The following PTPRT variants were observed in gnomAD, a reference collection of about 807,000 sequenced individuals.
PTPRT encodes the protein receptor-type tyrosine-protein phosphatase T.
In PTPRT, 56 loss-of-function variants were observed where a neutral mutation model predicts 176.8. The ratio of observed to expected loss-of-function variants is 0.32; its 90% CI spans 0.26 to 0.40. The LOEUF (loss-of-function observed/expected upper bound fraction) is 0.40, where lower values mean the gene tolerates loss of function less well. Ranked by LOEUF, PTPRT falls within the 10% of genes least tolerant of loss-of-function variation. The pLI is 1.00. For synonymous variants in PTPRT, 783 were observed against 739.0 expected, an observed-to-expected ratio of 1.06 and a Z score of -0.96; for missense variants, 1,540 against 1,908.2, an observed-to-expected ratio of 0.81 and a Z score of 3.60.
chr20:42,909,679 C>A (rs2079520824), intron 1 of PTPRT, among the ~76,000 whole-genome samples: 1 of 152,156 alleles, frequency 6.6e-6, no homozygotes, highest in African/African-American at 2.4e-5. Flanking sequence ...TGAGACCCAT[C>A]CAGCATTTAC....
chr20:42,590,486 C>A (rs1224664000), intron 7 of PTPRT, among the ~76,000 whole-genome samples: 1 of 152,118 alleles, frequency 6.6e-6, no homozygotes. Context: ...TTGTCCCTGA[C>A]CTTAAGGAGA....
At chr20:42,629,178 C>T (rs139457603) in intron 7 of PTPRT, among the ~76,000 whole-genome samples, 87 of 149,558 alleles carry the variant, frequency 5.8e-4, no homozygotes, top group African/African-American at 2.1e-3. Context: ...TAAGAAAAGC[C>T]AGTGAGGATG....
chr20:42,405,984 C>T (rs2058957677), intron 9 of PTPRT, among the ~76,000 whole-genome samples: 1 of 152,052 alleles, frequency 6.6e-6, no homozygotes, highest in African/African-American at 2.4e-5. Context: ...TACACAGACC[C>T]TAGATCAAAC....
chr20:43,073,494 C>T (rs1326248231), intron 1 of PTPRT, among the ~76,000 whole-genome samples: 2 of 150,144 alleles, frequency 1.3e-5, no homozygotes, highest in Non-Finnish European at 3.0e-5. Context: ...CACACACACA[C>T]GTGTGCTATA....
intron 1 of PTPRT, among the ~76,000 whole-genome samples, chr20:43,153,340 G>C (rs534752640): frequency 2.2e-4 from 33 of 152,344 alleles, no homozygotes; most frequent in African/African-American, 7.5e-4. Context: ...TGCATGAGGT[G>C]AAGTGGAAAA....
intron 2 of PTPRT, among the ~76,000 whole-genome samples, chr20:42,818,213 G>T (rs1256998834): frequency 6.6e-6 from 1 of 152,014 alleles, no homozygotes; most frequent in Non-Finnish European, 1.5e-5. Context: ...GACATCTCCA[G>T]GCACAGGAGC....
chr20:42,930,889 T>C (rs373724287), intron 1 of PTPRT, among the ~76,000 whole-genome samples: 69 of 151,990 alleles, frequency 4.5e-4, no homozygotes, highest in African/African-American at 1.5e-3. Flanking sequence ...GCCAAATAAA[T>C]GAGCTGAGCT....
At chr20:42,353,049 C>T (rs774485708) in intron 9 of PTPRT, among the ~76,000 whole-genome samples, 3 of 152,198 alleles carry the variant, frequency 2.0e-5, no homozygotes, top group Non-Finnish European at 4.4e-5. Context: ...GAATTGTTTA[C>T]ATTCTACTAT....
chr20:42,128,531 ACT>A (rs952362669), intron 19 of PTPRT, among the ~76,000 whole-genome samples: 1 of 152,176 alleles, frequency 6.6e-6, no homozygotes, highest in Non-Finnish European at 1.5e-5. Context: ...AATGAGTAAG[ACT>A]AACAGTTGTC....
chr20:42,287,926 G>A (rs1004331586), intron 12 of PTPRT, among the ~76,000 whole-genome samples: 19 of 151,842 alleles, frequency 1.3e-4, no homozygotes, highest in African/African-American at 4.6e-4. Context: ...TTATGGAGCT[G>A]TTAACAAAAA....
At chr20:42,452,095 C>T (rs377415656) in intron 8 of PTPRT, among the ~76,000 whole-genome samples, 16 of 152,088 alleles carry the variant, frequency 1.1e-4, no homozygotes, top group African/African-American at 3.4e-4. Flanking sequence ...ATGGTGAAAC[C>T]CTGTCTTTAC....
intron 6 of PTPRT, among the ~76,000 whole-genome samples, chr20:42,726,438 G>C (rs1362467856): frequency 6.6e-6 from 1 of 152,200 alleles, no homozygotes; most frequent in African/African-American, 2.4e-5. Context: ...TACGGCCATG[G>C]AGTGGATGGT....
chr20:42,340,563 C>T (rs2058097338), intron 11 of PTPRT, among the ~76,000 whole-genome samples: 1 of 152,198 alleles, frequency 6.6e-6, no homozygotes, highest in Admixed American at 6.5e-5. Flanking sequence ...CTGAGCAGCC[C>T]TCAACAGCTG....
intron 9 of PTPRT, among the ~76,000 whole-genome samples, chr20:42,415,171 T>C (rs2059053643): frequency 6.6e-6 from 1 of 152,174 alleles, no homozygotes; most frequent in African/African-American, 2.4e-5. Context: ...GGCAAGTTGC[T>C]TACTTTTATT....
At chr20:43,180,310 G>A (rs1034079568) in intron 1 of PTPRT, among the ~76,000 whole-genome samples, 6 of 138,616 alleles carry the variant, frequency 4.3e-5, no homozygotes, top group Non-Finnish European at 9.2e-5. Context: ...CTCTAAACCT[G>A]CATGAGCCAA....
At chr20:42,982,849 G>GCA (rs1209866328) in intron 1 of PTPRT, among the ~76,000 whole-genome samples, 1 of 152,182 alleles carries the variant, frequency 6.6e-6, no homozygotes, top group Non-Finnish European at 1.5e-5. Context: ...ATGACTGCAG[G>GCA]CACAATTCCT....
intron 7 of PTPRT, among the ~76,000 whole-genome samples, chr20:42,526,221 A>G (rs999162184): frequency 1.3e-5 from 2 of 151,842 alleles, no homozygotes; most frequent in Admixed American, 1.3e-4. Context: ...TTCTATCTGG[A>G]TTTTTTCTCT....
At chr20:42,690,498 T>G (rs1266078390) in intron 6 of PTPRT, among the ~76,000 whole-genome samples, 1 of 152,116 alleles carries the variant, frequency 6.6e-6, no homozygotes, top group Non-Finnish European at 1.5e-5. Context: ...ATGGATTGAA[T>G]GTAAGGAGCA....
chr20:42,107,786 GACAC>G (rs1041034301), intron 23 of PTPRT, among the ~76,000 whole-genome samples: 11 of 152,168 alleles, frequency 7.2e-5, no homozygotes, highest in Non-Finnish European at 1.3e-4. Flanking sequence ...GATGTCAAAA[GACAC>G]ACAAAGAGGA....
Sources: gnomAD v4.1 joint callset for allele counts (sites outside exome capture counted in the v4.1 genomes callset) on GRCh38, gnomAD v4.1.1 for gene constraint, MANE v1.5 for transcripts, NCBI Gene and HGNC (gene_info 2026-07-23, HGNC 2026-07-21) for gene names.